ST7L: variants seen among roughly 807,000 people sequenced by gnomAD.
The protein encoded by ST7L is suppression of tumorigenicity 7 like.
ST7L carries 57 observed loss-of-function variants against 72.5 expected under a neutral mutation model. The ratio of observed to expected loss-of-function variants is 0.79; its 90% CI spans 0.64 to 0.98. The LOEUF (loss-of-function observed/expected upper bound fraction) is 0.98, where lower values mean the gene tolerates loss of function less well. Ranked by LOEUF, ST7L falls within the 50% of genes least tolerant of loss-of-function variation. ST7L has a pLI of 0.00. For missense variants in ST7L, 576 were observed against 672.2 expected, an observed-to-expected ratio of 0.86 and a Z score of 1.58; for synonymous variants, 221 against 240.9, an observed-to-expected ratio of 0.92 and a Z score of 0.77.
chr1:112,540,191 C>T, intron 14 of ST7L: 4 of 985,388 alleles, frequency 4.1e-6, no homozygotes, highest in Non-Finnish European at 4.8e-6. Flanking sequence ...GATTCTAGAT[C>T]TCCCTCCTTG....
chr1:112,560,317 C>T (rs1411734666), intron 11 of ST7L, among the ~76,000 whole-genome samples: 1 of 152,024 alleles, frequency 6.6e-6, no homozygotes, highest in Non-Finnish European at 1.5e-5. Flanking sequence ...TGGCGTGAGC[C>T]CGGGAGGCGG....
At chr1:112,550,216 T>A (rs574077544) in intron 13 of ST7L, among the ~76,000 whole-genome samples, 35 of 152,206 alleles carry the variant, frequency 2.3e-4, no homozygotes, top group Non-Finnish European at 4.0e-4. Context: ...ATAAGGGCTG[T>A]TGTTTTATAG....
At chr1:112,539,876 C>T (rs1488333707) in intron 14 of ST7L, 1 of 985,322 alleles carries the variant, frequency 1.0e-6, no homozygotes. Flanking sequence ...TACCATTAGG[C>T]ACATTCTTAA....
chr1:112,611,108 T>A, intron 2 of ST7L, 105 bp from the exon 3 acceptor site: 1 of 1,081,172 alleles, frequency 9.2e-7, no homozygotes, highest in Non-Finnish European at 1.3e-6. Context: ...GCATTTTAAA[T>A]GCACTCTCCT....
intron 11 of ST7L, among the ~76,000 whole-genome samples, chr1:112,574,158 C>T (rs1662657910): frequency 6.7e-6 from 1 of 149,208 alleles, no homozygotes; most frequent in Non-Finnish European, 1.5e-5. Flanking sequence ...CTTAGGCGAT[C>T]CACCCACCTC....
chr1:112,602,413 C>T (rs1039811532), intron 3 of ST7L, among the ~76,000 whole-genome samples: 5 of 152,154 alleles, frequency 3.3e-5, no homozygotes, highest in Non-Finnish European at 5.9e-5. Context: ...TCTTACTCGT[C>T]CTACAAAATT....
At chr1:112,579,051 G>C (rs10776757) in intron 9 of ST7L, among the ~76,000 whole-genome samples, 85,574 of 151,886 alleles carry the variant, frequency 0.56, 24,552 homozygotes, top group East Asian at 0.71. Context: ...TATGAAAGCC[G>C]TCTGCACAAC....
intron 14 of ST7L, 178 bp from the exon 15 acceptor site, chr1:112,526,289 C>T (rs938334822): frequency 7.8e-6 from 5 of 641,856 alleles, no homozygotes; most frequent in Non-Finnish European, 1.3e-5. Context: ...GACCACTATA[C>T]AACATATTCC....
intron 14 of ST7L, chr1:112,540,839 C>T: frequency 7.8e-7 from 1 of 1,289,036 alleles, no homozygotes; most frequent in African/African-American, 1.5e-5. Flanking sequence ...TATAATTAAT[C>T]AGCATTTTCT....
chr1:112,612,662 T>C (rs1669257136), intron 2 of ST7L, among the ~76,000 whole-genome samples: 1 of 152,162 alleles, frequency 6.6e-6, no homozygotes, highest in African/African-American at 2.4e-5. Context: ...TAAAATGGTA[T>C]CTCTTTCTGC....
intron 11 of ST7L, among the ~76,000 whole-genome samples, chr1:112,560,348 C>G (rs910925601): frequency 6.6e-6 from 1 of 152,014 alleles, no homozygotes; most frequent in Admixed American, 6.6e-5. Context: ...GAGCCAAGAT[C>G]GCGCCACTGC....
rs1294008576 is a variant in ST7L at position 112,530,910 on chromosome 1, TAAAG to T, written c.1630-4803_1630-4800del. ...AGAATTGATCAGCAAAACCCAGCTA[TAAAG>T]AAAGGGCAAAAGGAACTTTATTTTA... On this transcript the variant is annotated intron_variant, in intron 14 of 14. Coordinates refer to ENST00000358039, the MANE Select transcript of ST7L (RefSeq NM_017744.5). Among the ~76,000 whole-genome samples, 3 of 152,314 alleles carry T rather than the reference TAAAG, an allele frequency of 2.0e-5. No homozygotes were observed. The East Asian group carries it at 5.8e-4, about 29-fold the overall frequency.
rs1203592054 is a variant in ST7L at position 112,560,219 on chromosome 1, C to T, written c.1246-4201G>A. 3.3e-5 allele frequency among the ~76,000 whole-genome samples: 5 copies of T among 151,868 alleles called. No individual in the cohort carries two copies. In the East Asian group the frequency reaches 7.8e-4, roughly 24 times the overall value. Reference sequence around the variant, plus strand: ...ACCATCTTGGCTAACACGGTGAAACCCCGTCTCTACTAAAAATACAAAAAA... The same window carrying T: ...ACCATCTTGGCTAACACGGTGAAACTCCGTCTCTACTAAAAATACAAAAAA... On this transcript the variant is annotated intron_variant, in intron 11 of 14. Transcript: ENST00000358039.
At chr1:112,609,176 A>C (rs2101019822) in intron 3 of ST7L, among the ~76,000 whole-genome samples, 1 of 152,200 alleles carries the variant, frequency 6.6e-6, no homozygotes, top group African/African-American at 2.4e-5. Flanking sequence ...AAATAATAAT[A>C]ATAATAATTG....
At position 112,581,856 on chromosome 1, in the gene ST7L, A is replaced by T. The variant is rs113325443; in HGVS notation, c.1069+136T>A. The stretch of plus-strand genomic sequence containing the variant: ...TGAAAGTCCTGATAAAGAAGATACT[A>T]AATAGCAACCTCTGAGTGCTAAATA... On this transcript the variant is annotated intron_variant, in intron 9 of 14. Coordinates refer to ENST00000358039, the MANE Select transcript of ST7L (RefSeq NM_017744.5). 4,229 of 663,042 alleles carry T rather than the reference A, an allele frequency of 6.4e-3. 131 individuals are homozygous for T. The African/African-American group carries it at 0.068, about 11-fold the overall frequency. 41.1% of individuals were successfully genotyped at this position (663,042 alleles called of 1,614,324 possible).
Position 112,566,294 on chromosome 1 carries a change from C to CTTTTTTTT in ST7L, c.1246-10277_1246-10276insAAAAAAAA, listed in dbSNP as rs33915951. ...TTTTCTTTTATTTCTTTTTCTTCTT[C>CTTTTTTTT]TTCTTTTTTTTTTTTTTTTTTGAGA... On this transcript the variant is annotated intron_variant, in intron 11 of 14. Coordinates refer to ENST00000358039, the MANE Select transcript of ST7L (RefSeq NM_017744.5). Among the ~76,000 whole-genome samples, 119 of 108,964 alleles carry CTTTTTTTT rather than the reference C, an allele frequency of 1.1e-3. 3 individuals are homozygous for CTTTTTTTT. The highest frequency in any genetic ancestry group is 4.2e-3 in the Middle Eastern group (1 of 238). The allele number at this position is 108,964 out of a possible 152,430, so 71.5% of individuals were successfully genotyped here.
At chr1:112,531,397 G>C (rs1654357886) in intron 14 of ST7L, among the ~76,000 whole-genome samples, 1 of 152,164 alleles carries the variant, frequency 6.6e-6, no homozygotes, top group South Asian at 2.1e-4. Context: ...ATGAATTCCA[G>C]CTGCTGAGTA....
chr1:112,604,628 T>C (rs1667918308), intron 3 of ST7L, among the ~76,000 whole-genome samples: 1 of 151,872 alleles, frequency 6.6e-6, no homozygotes, highest in Admixed American at 6.6e-5. Flanking sequence ...CAAATTCCAT[T>C]ACATCTTAAA....
At chr1:112,617,628 C>CTT (rs1481125569) in intron 1 of ST7L, among the ~76,000 whole-genome samples, 1 of 151,958 alleles carries the variant, frequency 6.6e-6, no homozygotes. Context: ...CAGAGGATCG[C>CTT]TTAAGCAGAA....
Sources: gnomAD v4.1 joint callset for allele counts (sites outside exome capture counted in the v4.1 genomes callset) on GRCh38, gnomAD v4.1.1 for gene constraint, MANE v1.5 for transcripts, NCBI Gene and HGNC (gene_info 2026-07-23, HGNC 2026-07-21) for gene names.